The following KIAA1217 variants were observed in gnomAD, a reference collection of about 807,000 sequenced individuals.
KIAA1217 encodes the protein sickle tail protein homolog.
KIAA1217 carries 88 observed loss-of-function variants against 163.9 expected under a neutral mutation model. The ratio of observed to expected loss-of-function variants is 0.54; its 90% CI spans 0.45 to 0.64. The LOEUF is 0.64. KIAA1217 is among the 30% of genes least tolerant of loss of function. The probability of loss-of-function intolerance (pLI) is 0.00; values close to 1 mark genes in which losing one functional copy is unlikely to be tolerated. For missense variants in KIAA1217, 2,372 were observed against 2,475.0 expected (o/e 0.96, Z 0.88); for synonymous variants, 903 against 923.1 (o/e 0.98, Z 0.39).
chr10:24,046,798 TAAG>T (rs1849062514), intron 2 of KIAA1217, among the ~76,000 whole-genome samples: 1 of 152,126 alleles, frequency 6.6e-6, no homozygotes. Flanking sequence ...ATGCAGACAA[TAAG>T]AAGTAGAGCC....
At position 23,695,640 on chromosome 10, in the gene KIAA1217, G is replaced by T. The variant is rs554652361; in HGVS notation, c.-321+406G>T. Among the ~76,000 whole-genome samples the T allele has an allele frequency of 6.6e-6, 1 of 152,298 alleles. No individual in the cohort carries two copies. The highest frequency in any genetic ancestry group is 2.4e-5 in the African/African-American group (1 of 41,578). On this transcript the variant is annotated intron_variant, in intron 1 of 18. Coordinates refer to the KIAA1217 transcript ENST00000376462. This position sits in a 1 kb window ranked among gnomAD's most constrained non-coding sequence, Gnocchi z 4.9. ...GTTGCCTCGTTTTTCACTCGGGGCT[G>T]CGAAGAGGGCATTGCTCTTTCTGAT...
intron 2 of KIAA1217, among the ~76,000 whole-genome samples, chr10:24,020,481 G>T (rs528076733): frequency 5.3e-5 from 8 of 152,168 alleles, no homozygotes; most frequent in South Asian, 2.1e-4. Flanking sequence ...AAGAGATCTT[G>T]GAAGAAAGGG....
intron 2 of KIAA1217, among the ~76,000 whole-genome samples, chr10:24,356,255 A>G (rs1004327723): frequency 6.6e-6 from 1 of 152,222 alleles, no homozygotes; most frequent in Non-Finnish European, 1.5e-5. Context: ...CATTCTGCAG[A>G]TGCAGAAATT....
intron 2 of KIAA1217, among the ~76,000 whole-genome samples, chr10:24,088,105 AG>A (rs2061768463): frequency 8.1e-6 from 1 of 123,270 alleles, no homozygotes; most frequent in South Asian, 2.7e-4. Flanking sequence ...GTAAACTCTA[AG>A]GGTTATGTAG....
At chr10:23,969,913 C>T (rs1845237663) in intron 1 of KIAA1217, among the ~76,000 whole-genome samples, 1 of 152,126 alleles carries the variant, frequency 6.6e-6, no homozygotes, top group South Asian at 2.1e-4. Flanking sequence ...AGGCAAAGGG[C>T]ACATCTTACA....
intron 3 of KIAA1217, among the ~76,000 whole-genome samples, chr10:24,422,255 T>C (rs1318032961): frequency 6.6e-6 from 1 of 152,178 alleles, no homozygotes; most frequent in African/African-American, 2.4e-5. Context: ...CAAGATAAGA[T>C]TTGGCTGGGG....
intron 5 of KIAA1217, among the ~76,000 whole-genome samples, chr10:24,466,123 C>T (rs1327661431): frequency 6.6e-6 from 1 of 152,136 alleles, no homozygotes; most frequent in Non-Finnish European, 1.5e-5. Context: ...CCTTCAGCTG[C>T]CAATTCCCAG....
At chr10:24,316,755 G>A (rs1022233788) in intron 2 of KIAA1217, among the ~76,000 whole-genome samples, 1 of 152,116 alleles carries the variant, frequency 6.6e-6, no homozygotes, top group Non-Finnish European at 1.5e-5. Context: ...CAGGAAGGAG[G>A]CTTTGCAGCT....
At chr10:23,998,483 A>C (rs370764006) in intron 1 of KIAA1217, among the ~76,000 whole-genome samples, 3 of 152,212 alleles carry the variant, frequency 2.0e-5, no homozygotes, top group African/African-American at 4.8e-5. Context: ...GCCAATGGAG[A>C]GCAAGCATTG....
chr10:24,464,614 T>A (rs1239724477), intron 5 of KIAA1217, among the ~76,000 whole-genome samples: 1 of 152,136 alleles, frequency 6.6e-6, no homozygotes, highest in Non-Finnish European at 1.5e-5. Context: ...GCCTCCCAAG[T>A]AGCTGGGAAC....
chr10:24,046,649 G>A (rs1302839711), intron 2 of KIAA1217, among the ~76,000 whole-genome samples: 1 of 152,042 alleles, frequency 6.6e-6, no homozygotes, highest in Admixed American at 6.6e-5. Context: ...AAAAACAAGG[G>A]AGAAATCCAC....
intron 1 of KIAA1217, among the ~76,000 whole-genome samples, chr10:23,976,527 A>G (rs1211065144): frequency 1.3e-5 from 2 of 152,164 alleles, no homozygotes; most frequent in East Asian, 3.8e-4. Flanking sequence ...CTCACATAAT[A>G]TTTTGTATAC....
At chr10:23,944,957 G>C (rs1843946451) in intron 1 of KIAA1217, among the ~76,000 whole-genome samples, 2 of 151,772 alleles carry the variant, frequency 1.3e-5, no homozygotes, top group Non-Finnish European at 2.9e-5. Flanking sequence ...TGCTCTGGAG[G>C]CTGAGACAGG....
At chr10:24,226,453 C>T (rs1026158959) in intron 2 of KIAA1217, among the ~76,000 whole-genome samples, 4 of 151,076 alleles carry the variant, frequency 2.6e-5, no homozygotes, top group Non-Finnish European at 4.4e-5. Context: ...GGTGAAACCC[C>T]GTCTCTACTA....
chr10:24,311,375 T>C (rs2042676430), intron 2 of KIAA1217, among the ~76,000 whole-genome samples: 1 of 152,154 alleles, frequency 6.6e-6, no homozygotes, highest in Admixed American at 6.5e-5. Context: ...GCTGGGCTTG[T>C]CTCTGAGCTG....
intron 1 of KIAA1217, among the ~76,000 whole-genome samples, chr10:23,912,792 A>G (rs1485306782): frequency 6.6e-6 from 1 of 152,206 alleles, no homozygotes. Context: ...AGAATGAAAC[A>G]CACATTCCTG....
chr10:24,275,610 G>T, intron 2 of KIAA1217: 1 of 464,240 alleles, frequency 2.2e-6, no homozygotes. Flanking sequence ...TAGTAATGAG[G>T]ACTGACTGTA....
chr10:24,370,505 T>C (rs1467851036), intron 2 of KIAA1217, among the ~76,000 whole-genome samples: 1 of 152,190 alleles, frequency 6.6e-6, no homozygotes, highest in Admixed American at 6.5e-5. Flanking sequence ...AGAAACATTG[T>C]TCGTGCCTTT....
chr10:24,150,471 G>A (rs1236338572), intron 2 of KIAA1217, among the ~76,000 whole-genome samples: 1 of 152,192 alleles, frequency 6.6e-6, no homozygotes, highest in Admixed American at 6.5e-5. Flanking sequence ...GACCAGAGAA[G>A]GTCTGCAGGA....
Sources: allele counts gnomAD v4.1 joint callset (sites outside exome capture counted in the v4.1 genomes callset), GRCh38; gene constraint gnomAD v4.1.1; non-coding constraint Gnocchi (gnomAD v3.1); transcripts MANE v1.5; gene names NCBI Gene and HGNC (gene_info 2026-07-23, HGNC 2026-07-21).